The following OR2T27 variants were observed in gnomAD, a reference collection of about 807,000 sequenced individuals.
OR2T27 encodes olfactory receptor 2T27.
For synonymous variants in OR2T27, 51 were observed against 152.9 expected (o/e 0.33, Z 4.92); for missense variants, 152 against 397.2 (o/e 0.38, Z 5.25).
Position 248,650,133 on chromosome 1 carries a change from AAGAGGCTGACAACCACCATGTGTG to A in OR2T27, c.728_751del (p.Ser243_Leu250del), listed in dbSNP as rs755051080. 1 of 1,568,752 alleles carries A rather than the reference AAGAGGCTGACAACCACCATGTGTG, an allele frequency of 6.4e-7. No individual in the cohort carries two copies. The highest frequency in any genetic ancestry group is 1.4e-5 in the African/African-American group (1 of 71,836). On this transcript the variant is annotated inframe_deletion, in exon 2 of 2. Coordinates refer to ENST00000460972, the MANE Select transcript of OR2T27 (RefSeq NM_001001824.2). ...GTATGTGTACATGGCAGCCCCATAG[AAGAGGCTGACAACCACCATGTGTG>A]AGGAGCAGGTGGCCACAGCCTTTCC...
chr1:248,652,581 C>A (rs1308760783), intron 1 of OR2T27, among the ~76,000 whole-genome samples: 1 of 112,638 alleles, frequency 8.9e-6, no homozygotes, highest in African/African-American at 2.7e-5. Context: ...GGTTTTAAGA[C>A]CTCAGCAGGT....
intron 1 of OR2T27, among the ~76,000 whole-genome samples, chr1:248,653,692 A>G (rs1770082): frequency 0.81 from 49,812 of 61,194 alleles, 22,030 homozygotes; most frequent in East Asian, 1. Context: ...CACTAGTATC[A>G]AAACTCACAA....
chr1:248,651,455 T>C (rs1276346605), intron 1 of OR2T27: 1 of 70,964 alleles, frequency 1.4e-5, no homozygotes, highest in African/African-American at 2.8e-5. Context: ...AGAATGAGCC[T>C]GTGTTGAATA....
intron 1 of OR2T27, among the ~76,000 whole-genome samples, chr1:248,652,444 C>T (rs1558181887): frequency 6.7e-6 from 1 of 148,258 alleles, no homozygotes; most frequent in Admixed American, 6.8e-5. Context: ...TCTCAAGAGG[C>T]ACATTGGGTA....
chr1:248,653,955 A>G (rs1572115965), intron 1 of OR2T27, among the ~76,000 whole-genome samples: 1 of 12,888 alleles, frequency 7.8e-5, no homozygotes. Context: ...TGGATTTTTG[A>G]AAAAAATATT....
chr1:248,650,048 G>T lies in OR2T27; in HGVS notation c.837C>A (p.Thr279=), dbSNP rs774425717. The change falls in exon 2 of 2, where the codon ACC becomes ACA. Residue 279 remains threonine, a synonymous_variant. Transcript: ENST00000460972. ...EQDKAVSAFY[T]ILTPMLNPLI... is the part of the protein sequence containing the mutation. Reference sequence around the variant, plus strand: ...GTGGATTGAGCATGGGAGTAAGGATGGTGTAGAAGGCAGATACAGCTTTGT... The same window carrying T: ...GTGGATTGAGCATGGGAGTAAGGATTGTGTAGAAGGCAGATACAGCTTTGT... 30 of 1,574,818 alleles carry T rather than the reference G, an allele frequency of 1.9e-5. 4 individuals carry two copies. Among genetic ancestry groups the T allele is most frequent in the African/African-American group, 4.3e-5 (3 of 69,344 alleles).
At position 248,649,873 on chromosome 1, in the gene OR2T27, G is replaced by C. The variant is rs573776607; in HGVS notation, c.*58C>G. ...CAGGCAGAGAATATTTAAATTCAAG[G>C]GCAATGATAAAGTCTTGTATCCTTC... On this transcript the variant is annotated 3_prime_UTR_variant, in exon 2 of 2. Coordinates refer to ENST00000460972, the MANE Select transcript of OR2T27 (RefSeq NM_001001824.2). 1.4e-5 allele frequency: 16 copies of C among 1,156,782 alleles called. No individual in the cohort carries two copies. The highest frequency in any genetic ancestry group is 1.9e-5 in the Non-Finnish European group (15 of 779,138). The allele number at this position is 1,156,782 out of a possible 1,614,324, so 71.7% of individuals were successfully genotyped here. A position where few individuals can be genotyped will look rare whatever the true frequency, so the allele number is the denominator to read the frequency against.
intron 1 of OR2T27, among the ~76,000 whole-genome samples, chr1:248,653,144 T>C (rs1408102609): frequency 2.8e-5 from 4 of 142,056 alleles, no homozygotes; most frequent in African/African-American, 1.0e-4. Flanking sequence ...TCCTGAACCC[T>C]GACCATGAAT....
At chr1:248,652,109 A>T (rs142855114) in intron 1 of OR2T27, among the ~76,000 whole-genome samples, 818 of 151,604 alleles carry the variant, frequency 5.4e-3, no homozygotes, top group African/African-American at 0.018. Flanking sequence ...ACAGCTCCAA[A>T]TACCTTCATC....
intron 1 of OR2T27, among the ~76,000 whole-genome samples, chr1:248,652,259 G>A (rs113864348): frequency 0.042 from 6,380 of 151,358 alleles, 252 homozygotes; most frequent in African/African-American, 0.14. Context: ...TAAGTGATTC[G>A]TAAATTTTAC....
In OR2T27 at chr1:248,650,149, CCAT is replaced by C. The variant is rs1660971834; in HGVS notation, c.733_735del (p.Met245del). ...GCCCCATAGAAGAGGCTGACAACCA[CCAT>C]GTGTGAGGAGCAGGTGGCCACAGCC... On this transcript the variant is annotated inframe_deletion, in exon 2 of 2. Coordinates refer to ENST00000460972, the MANE Select transcript of OR2T27 (RefSeq NM_001001824.2). 4 of 1,566,484 alleles carry C rather than the reference CCAT, an allele frequency of 2.6e-6. No homozygotes were observed. The highest frequency in any genetic ancestry group is 2.6e-6 in the Non-Finnish European group (3 of 1,148,162).
chr1:248,651,151 CT>C (rs571162771), intron 1 of OR2T27, among the ~76,000 whole-genome samples: 6,452 of 73,610 alleles, frequency 0.088, 195 homozygotes, highest in African/African-American at 0.18. Flanking sequence ...TTATTTCTGT[CT>C]TTCGAGTACC....
chr1:248,653,529 G>A (rs1265736359), intron 1 of OR2T27, among the ~76,000 whole-genome samples: 1 of 33,104 alleles, frequency 3.0e-5, no homozygotes, highest in African/African-American at 3.3e-5. Flanking sequence ...ACGTTGTTGA[G>A]TTTGCTTATA....
chr1:248,651,970 T>C (rs1171680785), intron 1 of OR2T27, among the ~76,000 whole-genome samples: 4 of 150,916 alleles, frequency 2.7e-5, no homozygotes, highest in Admixed American at 6.7e-5. Flanking sequence ...ATTTGGATAA[T>C]ATAGATTAAA....
At chr1:248,653,814 ATTT>A (rs536243270) in intron 1 of OR2T27, among the ~76,000 whole-genome samples, 1,769 of 19,978 alleles carry the variant, frequency 0.089, 92 homozygotes, top group Admixed American at 0.14. Flanking sequence ...ATAGATTTTT[ATTT>A]TTTATTAATA....
Position 248,650,303 on chromosome 1 carries a change from G to C in OR2T27, c.582C>G (p.Ala194=). Residue 194 remains alanine (A), a synonymous_variant, in exon 2 of 2, where the codon GCC becomes GCG. Transcript: ENST00000460972. ...LLKLSCTDTS[A]YETAMYVCCI... ...AGCAGACATACATGGCTGTCTCGTA[G>C]GCTGATGTGTCCGTGCAGGAGAGCT... is the stretch of plus-strand genomic sequence containing the variant. 1.6e-6 allele frequency: 2 copies of C among 1,224,782 alleles called. No homozygotes were observed. The highest frequency in any genetic ancestry group is 1.2e-6 in the Non-Finnish European group (1 of 850,820). 75.9% of individuals were successfully genotyped at this position (1,224,782 alleles called of 1,614,324 possible).
chr1:248,650,902 A>T lies in OR2T27; in HGVS notation c.-4-14T>A, dbSNP rs878945776. 2 of 1,270,184 alleles carry T rather than the reference A, an allele frequency of 1.6e-6. No individual in the cohort carries two copies. Among genetic ancestry groups the T allele is most frequent in the Non-Finnish European group, 2.1e-6 (2 of 933,268 alleles). The allele number at this position is 1,270,184 out of a possible 1,614,324, so 78.7% of individuals were successfully genotyped here. ...TGCTCCATAGCTCTGTAGGGTACAC[A>T]AAAGAGATATGACAAAGTTGGAAAG... On this transcript the variant is annotated splice_polypyrimidine_tract_variant and intron_variant, in intron 1 of 1. Coordinates refer to ENST00000460972, the MANE Select transcript of OR2T27 (RefSeq NM_001001824.2).
At chr1:248,652,137 G>A (rs72769027) in intron 1 of OR2T27, among the ~76,000 whole-genome samples, 31,199 of 144,976 alleles carry the variant, frequency 0.22, 907 homozygotes, top group African/African-American at 0.35. Context: ...GTCCTCCAGA[G>A]TTAAACACAC....
chr1:248,651,626 T>C (rs1403046726), intron 1 of OR2T27: 2 of 71,146 alleles, frequency 2.8e-5, no homozygotes, highest in East Asian at 5.4e-4. Flanking sequence ...ATTTAACTTA[T>C]GAAAAAATAA....
Sources: gnomAD v4.1 joint callset for allele counts (sites outside exome capture counted in the v4.1 genomes callset) on GRCh38, gnomAD v4.1.1 for gene constraint, MANE v1.5 for transcripts, NCBI Gene and HGNC (gene_info 2026-07-23, HGNC 2026-07-21) for gene names.